The following LYPLAL1 variants were observed in gnomAD, a reference collection of about 807,000 sequenced individuals.
LYPLAL1 encodes the protein lysophospholipase-like protein 1.
Under a neutral mutation model 19.7 loss-of-function variants are expected in LYPLAL1, and 23 were observed. The observed-to-expected ratio is 1.17, with a 90% CI of 0.84 to 1.65. LYPLAL1 has a LOEUF of 1.65. LYPLAL1 is among the 40% of genes most tolerant of loss of function. The pLI, the probability that LYPLAL1 is intolerant of heterozygous loss-of-function variation, is 0.00. For missense variants in LYPLAL1, 355 were observed against 279.4 expected, an observed-to-expected ratio of 1.27 and a Z score of -1.93; for synonymous variants, 119 against 96.3, an observed-to-expected ratio of 1.24 and a Z score of -1.38.
At chr1:219,433,279 A>C in the LYPLAL1 span, among the ~76,000 whole-genome samples, 1 of 152,132 alleles carries the variant, frequency 6.6e-6, no homozygotes, top group African/African-American at 2.4e-5. Flanking sequence ...CAGATGCAAA[A>C]TATCACTCAT....
chr1:219,397,262 C>T, the LYPLAL1 span, among the ~76,000 whole-genome samples: 2 of 152,092 alleles, frequency 1.3e-5, no homozygotes, highest in South Asian at 4.1e-4. Flanking sequence ...CAGGGATAAA[C>T]CCTACTTCAT....
At chr1:219,417,431 C>G in the LYPLAL1 span, among the ~76,000 whole-genome samples, 1 of 152,076 alleles carries the variant, frequency 6.6e-6, no homozygotes, top group African/African-American at 2.4e-5. Flanking sequence ...GCACGGGTAG[C>G]AAAGATCATT....
chr1:219,387,363 A>G, the LYPLAL1 span, among the ~76,000 whole-genome samples: 1 of 152,242 alleles, frequency 6.6e-6, no homozygotes, highest in African/African-American at 2.4e-5. Context: ...AATTAAACAA[A>G]GACTCTTGCC....
the LYPLAL1 span, among the ~76,000 whole-genome samples, chr1:219,367,583 G>A: frequency 1.5e-3 from 234 of 151,694 alleles, 1 homozygote; most frequent in African/African-American, 5.2e-3. Context: ...GGCCATCATC[G>A]AGTATTCTCT....
chr1:219,421,370 A>C, the LYPLAL1 span, among the ~76,000 whole-genome samples: 3 of 152,192 alleles, frequency 2.0e-5, no homozygotes, highest in Non-Finnish European at 4.4e-5. Flanking sequence ...GAACAACATG[A>C]AGACCCTATC....
chr1:219,228,596 C>T, the LYPLAL1 span, among the ~76,000 whole-genome samples: 1 of 151,986 alleles, frequency 6.6e-6, no homozygotes, highest in African/African-American at 2.4e-5. Flanking sequence ...TGCCTGATGG[C>T]TCGTTGTATC....
chr1:219,219,493 A>G, the LYPLAL1 span, among the ~76,000 whole-genome samples: 1 of 152,206 alleles, frequency 6.6e-6, no homozygotes, highest in Non-Finnish European at 1.5e-5. Flanking sequence ...CCATGTCCTC[A>G]GTGTGGTCTT....
At chr1:219,196,744 A>C (rs1657636004) in intron 3 of LYPLAL1, among the ~76,000 whole-genome samples, 1 of 152,164 alleles carries the variant, frequency 6.6e-6, no homozygotes, top group Admixed American at 6.6e-5. Flanking sequence ...CAATATCTAG[A>C]AAACTCTATC....
the LYPLAL1 span, among the ~76,000 whole-genome samples, chr1:219,366,367 C>T: frequency 6.6e-6 from 1 of 152,096 alleles, no homozygotes; most frequent in Non-Finnish European, 1.5e-5. Context: ...AATGTTTGCC[C>T]ATAAATATCA....
chr1:219,384,608 G>C, the LYPLAL1 span, among the ~76,000 whole-genome samples: 1 of 152,036 alleles, frequency 6.6e-6, no homozygotes, highest in African/African-American at 2.4e-5. Context: ...TATGATCTTT[G>C]ATCAAAAAAA....
intron 2 of LYPLAL1, among the ~76,000 whole-genome samples, chr1:219,184,571 A>G (rs1443537519): frequency 6.6e-6 from 1 of 151,820 alleles, no homozygotes; most frequent in African/African-American, 2.4e-5. Flanking sequence ...GTTAAGTGTG[A>G]TGTTAGTTCT....
chr1:219,177,989 T>C (rs1655963774), intron 1 of LYPLAL1, among the ~76,000 whole-genome samples: 1 of 152,218 alleles, frequency 6.6e-6, no homozygotes, highest in African/African-American at 2.4e-5. Flanking sequence ...GCACCTGCCC[T>C]TTCCTCGCCC....
the LYPLAL1 span, among the ~76,000 whole-genome samples, chr1:219,313,801 C>T: frequency 6.6e-6 from 1 of 152,166 alleles, no homozygotes; most frequent in Non-Finnish European, 1.5e-5. Flanking sequence ...TCCCAAAGTG[C>T]TGGGATTACA....
rs759185943 is a variant in LYPLAL1 at position 219,211,742 on chromosome 1, G to C, written c.*14G>C. ...AAACAAAAATGAATGAATCAAGAGT[G>C]ATTTGTTAATGTAAGTGTAATGTCT... On this transcript the variant is annotated 3_prime_UTR_variant, in exon 5 of 5. Transcript: ENST00000366928. 1 of 1,538,974 alleles carries C rather than the reference G, an allele frequency of 6.5e-7. No individual in the cohort carries two copies. Among genetic ancestry groups the C allele is most frequent in the South Asian group, 1.2e-5 (1 of 85,054 alleles).
chr1:219,403,502 C>CA, the LYPLAL1 span, among the ~76,000 whole-genome samples: 1 of 152,116 alleles, frequency 6.6e-6, no homozygotes, highest in Non-Finnish European at 1.5e-5. Flanking sequence ...GAGGAGTAAA[C>CA]AATCTATGTA....
the LYPLAL1 span, among the ~76,000 whole-genome samples, chr1:219,415,004 A>G: frequency 6.6e-6 from 1 of 152,238 alleles, no homozygotes; most frequent in Non-Finnish European, 1.5e-5. Context: ...GCACATTATT[A>G]CAATACTTCA....
the LYPLAL1 span, among the ~76,000 whole-genome samples, chr1:219,218,504 C>CT: frequency 0.47 from 69,810 of 146,996 alleles, 16,493 homozygotes; most frequent in East Asian, 0.66. Flanking sequence ...CTTTTTTTGC[C>CT]TTTTTTTTTT....
At chr1:219,396,254 C>T in the LYPLAL1 span, among the ~76,000 whole-genome samples, 1 of 152,010 alleles carries the variant, frequency 6.6e-6, no homozygotes, top group Non-Finnish European at 1.5e-5. Flanking sequence ...AGATGTGTGG[C>T]CTTATTTCTG....
At chr1:219,346,799 A>C in the LYPLAL1 span, among the ~76,000 whole-genome samples, 2 of 152,172 alleles carry the variant, frequency 1.3e-5, no homozygotes, top group Non-Finnish European at 2.9e-5. Flanking sequence ...TAGAAGCTGG[A>C]GACCAAGGTG....
Sources: allele counts gnomAD v4.1 joint callset (sites outside exome capture counted in the v4.1 genomes callset), GRCh38; gene constraint gnomAD v4.1.1; transcripts MANE v1.5; gene names NCBI Gene and HGNC (gene_info 2026-07-23, HGNC 2026-07-21).